The following STXBP6 variants were observed in gnomAD, a reference collection of about 807,000 sequenced individuals.
STXBP6 encodes the protein syntaxin-binding protein 6.
Under a neutral mutation model 26.9 loss-of-function variants are expected in STXBP6, and 21 were observed. That is an observed-to-expected ratio of 0.78 (90% CI 0.55 to 1.12). The LOEUF is 1.12. Among genes scored for constraint, STXBP6 ranks in the 50% most tolerant of loss-of-function variants. The pLI is 0.00. For synonymous variants in STXBP6, 97 were observed against 92.6 expected, an observed-to-expected ratio of 1.05 and a Z score of -0.27; for missense variants, 232 against 257.9, an observed-to-expected ratio of 0.90 and a Z score of 0.69.
chr14:24,958,091 T>C (rs1463760016), intron 2 of STXBP6, among the ~76,000 whole-genome samples: 1 of 152,218 alleles, frequency 6.6e-6, no homozygotes, highest in East Asian at 1.9e-4. Flanking sequence ...AAAATGATGC[T>C]CTACAAAGTA....
intron 2 of STXBP6, among the ~76,000 whole-genome samples, chr14:24,969,958 T>C (rs1424482439): frequency 2.0e-5 from 3 of 152,096 alleles, no homozygotes; most frequent in African/African-American, 7.2e-5. Context: ...GTAATCAATT[T>C]CGGCCGGGTG....
rs143487652 is a variant in STXBP6 at position 24,992,244 on chromosome 14, T to C, written c.-32-17394A>G. On this transcript the variant is annotated intron_variant, in intron 1 of 5. Transcript: ENST00000323944. ...AGCCTTTCCTTTTAAAGGTACTACT[T>C]AGTCCCATAGTCACACTGAAAGAGA... Among the ~76,000 whole-genome samples the C allele has an allele frequency of 1.5e-3, 225 of 152,300 alleles. 1 individual carries two copies. Among genetic ancestry groups the C allele is most frequent in the African/African-American group, 5.3e-3 (219 of 41,560 alleles).
intron 1 of STXBP6, among the ~76,000 whole-genome samples, chr14:25,045,716 G>T (rs1228516422): frequency 6.7e-6 from 1 of 148,816 alleles, no homozygotes; most frequent in East Asian, 2.0e-4. Context: ...CAATTCTCTT[G>T]CCTCAGCCTC....
Position 24,856,053 on chromosome 14 carries a change from C to T in STXBP6, c.334G>A (p.Val112Ile). The change falls in exon 4 of 6, where the codon GTA becomes ATA. Residue 112 changes from valine (V) to isoleucine (I), a missense_variant. By Grantham distance (29) the Val-to-Ile change is conservative. Transcript: ENST00000323944. ...LLFENAFDQW[V>I]ASTASEKCTF... Reference sequence around the variant, plus strand: ...CATTTTTCTGACGCTGTGCTGGCTACCCACTGGTCAAAAGCATTTTCAAAC... The same window carrying T: ...CATTTTTCTGACGCTGTGCTGGCTATCCACTGGTCAAAAGCATTTTCAAAC... 14 of 1,609,332 alleles carry T rather than the reference C, an allele frequency of 8.7e-6. No individual in the cohort carries two copies. Among genetic ancestry groups the T allele is most frequent in the Non-Finnish European group, 1.2e-5 (14 of 1,177,814 alleles).
intron 2 of STXBP6, among the ~76,000 whole-genome samples, chr14:24,861,282 G>T (rs2069530303): frequency 6.6e-6 from 1 of 152,094 alleles, no homozygotes; most frequent in Admixed American, 6.6e-5. Context: ...CAAGAGTGCT[G>T]ATGAAAAATA....
intron 4 of STXBP6, among the ~76,000 whole-genome samples, chr14:24,850,450 AAT>A (rs1234543968): frequency 6.6e-6 from 1 of 152,148 alleles, no homozygotes; most frequent in African/African-American, 2.4e-5. Flanking sequence ...TGATGATGAA[AAT>A]ATATGGCACT....
At position 24,932,329 on chromosome 14, in the gene STXBP6, C is replaced by A. The variant is rs148913747; in HGVS notation, c.154+42336G>T. 1.5e-3 allele frequency among the ~76,000 whole-genome samples: 225 copies of A among 152,230 alleles called. 1 individual carries two copies. Among genetic ancestry groups the A allele is most frequent in the African/African-American group, 5.3e-3 (219 of 41,536 alleles). On this transcript the variant is annotated intron_variant, in intron 2 of 5. Coordinates refer to ENST00000323944, the MANE Select transcript of STXBP6 (RefSeq NM_001394410.1). Reference sequence around the variant, plus strand: ...GGCTGAGGCAGGAGAATCGTTTGAACCTGGGATTTAAAGTTTTTAAATCTG... The same window carrying A: ...GGCTGAGGCAGGAGAATCGTTTGAAACTGGGATTTAAAGTTTTTAAATCTG...
intron 2 of STXBP6, among the ~76,000 whole-genome samples, chr14:24,894,444 T>C (rs1035077784): frequency 6.6e-6 from 1 of 152,060 alleles, no homozygotes; most frequent in Non-Finnish European, 1.5e-5. Flanking sequence ...GGTGGAAATA[T>C]TTACTAGACA....
At chr14:24,872,585 G>T (rs1661063574) in intron 2 of STXBP6, among the ~76,000 whole-genome samples, 1 of 152,186 alleles carries the variant, frequency 6.6e-6, no homozygotes, top group African/African-American at 2.4e-5. Flanking sequence ...TTTAGGGTTT[G>T]ATGTTGTTAC....
intron 2 of STXBP6, among the ~76,000 whole-genome samples, chr14:24,951,393 C>CAGCACATGTTGTTTCT (rs61564839): frequency 3.9e-5 from 6 of 152,238 alleles, no homozygotes; most frequent in South Asian, 2.1e-4. Flanking sequence ...ACATCCTCTC[C>CAGCACATGTTGTTTCT]GGACTTTTTA....
At chr14:24,961,061 T>C (rs760701369) in intron 2 of STXBP6, among the ~76,000 whole-genome samples, 3 of 152,232 alleles carry the variant, frequency 2.0e-5, no homozygotes, top group Non-Finnish European at 1.5e-5. Flanking sequence ...CTAAGGATTC[T>C]TGTGGACATA....
rs987925625 is a variant in STXBP6 at position 24,889,208 on chromosome 14, G to A, written c.155-32051C>T. 5.9e-5 allele frequency among the ~76,000 whole-genome samples: 9 copies of A among 151,722 alleles called. No homozygotes were observed. In the East Asian group the frequency reaches 1.2e-3, roughly 20 times the overall value. On this transcript the variant is annotated intron_variant, in intron 2 of 5. Coordinates refer to ENST00000323944, the MANE Select transcript of STXBP6 (RefSeq NM_001394410.1). ...CAACCACCAAGAATCACTGAGCCAA[G>A]TCTCTAGCATGAAAGTTAGAGTCCT...
At chr14:25,034,345 T>C (rs1444661629) in intron 1 of STXBP6, among the ~76,000 whole-genome samples, 4 of 152,210 alleles carry the variant, frequency 2.6e-5, no homozygotes, top group African/African-American at 9.7e-5. Context: ...CTCCTTTAAA[T>C]GTCAATGGCA....
At chr14:24,911,190 A>T (rs2071559489) in intron 2 of STXBP6, among the ~76,000 whole-genome samples, 1 of 151,904 alleles carries the variant, frequency 6.6e-6, no homozygotes, top group African/African-American at 2.4e-5. Flanking sequence ...AAAAAAAATT[A>T]TCCAGGCATA....
At chr14:25,030,881 T>A (rs1237648129) in intron 1 of STXBP6, among the ~76,000 whole-genome samples, 3 of 150,438 alleles carry the variant, frequency 2.0e-5, no homozygotes, top group Admixed American at 6.6e-5. Flanking sequence ...ACATAATAAC[T>A]AATTAGACAC....
chr14:25,016,273 T>C (rs1014756541), intron 1 of STXBP6, among the ~76,000 whole-genome samples: 8 of 152,178 alleles, frequency 5.3e-5, no homozygotes, highest in African/African-American at 1.4e-4. Context: ...AATACTGTTA[T>C]CTATTTTAAA....
intron 2 of STXBP6, among the ~76,000 whole-genome samples, chr14:24,907,934 A>G (rs1350450401): frequency 6.6e-6 from 1 of 152,052 alleles, no homozygotes; most frequent in African/African-American, 2.4e-5. Flanking sequence ...CCAGAGCATC[A>G]CTTCAAACAC....
chr14:24,974,801 A>G lies in STXBP6; in HGVS notation c.18T>C (p.Ala6=). MSAKS[A]ISKEIFAPLD... ...GAGGTGCAAAAATTTCCTTGCTGAT[A>G]GCAGATTTGGCACTCATTGTAGAAC... is the stretch of plus-strand genomic sequence containing the variant. The change falls in exon 2 of 6, where the codon GCT becomes GCC. Residue 6 remains alanine (A), a synonymous_variant. Transcript: ENST00000323944. The G allele has an allele frequency of 1.2e-6, 2 of 1,608,936 alleles. No homozygotes were observed. Among genetic ancestry groups the G allele is most frequent in the Non-Finnish European group, 1.7e-6 (2 of 1,177,234 alleles).
intron 1 of STXBP6, among the ~76,000 whole-genome samples, chr14:24,990,415 T>G (rs1012744160): frequency 1.1e-4 from 17 of 152,168 alleles, no homozygotes; most frequent in African/African-American, 4.1e-4. Flanking sequence ...TCCCAGCACT[T>G]AGGAAGGCCG....
Sources: allele counts gnomAD v4.1 joint callset (sites outside exome capture counted in the v4.1 genomes callset), GRCh38; gene constraint gnomAD v4.1.1; transcripts MANE v1.5; gene names NCBI Gene and HGNC (gene_info 2026-07-23, HGNC 2026-07-21).